The following ATRNL1 variants were observed in gnomAD, a reference collection of about 807,000 sequenced individuals.
ATRNL1 encodes attractin-like protein 1.
A neutral mutation model predicts 182.7 loss-of-function variants in ATRNL1; 95 were observed. The observed-to-expected ratio is 0.52, with a 90% CI of 0.44 to 0.62. The LOEUF (loss-of-function observed/expected upper bound fraction) is 0.62. Ranked by LOEUF, ATRNL1 falls within the 20% of genes least tolerant of loss-of-function variation. The pLI, the probability that ATRNL1 is intolerant of heterozygous loss-of-function variation, is 0.00. For missense variants in ATRNL1, 1,471 were observed against 1,679.5 expected, an observed-to-expected ratio of 0.88 and a Z score of 2.17; for synonymous variants, 576 against 568.3, an observed-to-expected ratio of 1.01 and a Z score of -0.19.
chr10:115,255,175 G>C (rs1270807787), intron 10 of ATRNL1, among the ~76,000 whole-genome samples: 1 of 152,176 alleles, frequency 6.6e-6, no homozygotes, highest in Non-Finnish European at 1.5e-5. Flanking sequence ...TGTGAAGAAA[G>C]TCATTGGTAG....
At chr10:115,674,654 C>A (rs1945805040) in intron 26 of ATRNL1, among the ~76,000 whole-genome samples, 1 of 152,030 alleles carries the variant, frequency 6.6e-6, no homozygotes, top group Admixed American at 6.6e-5. Context: ...TATAGACTTT[C>A]TTCAAAAGAG....
At chr10:115,219,186 C>T (rs148775384) in intron 9 of ATRNL1, among the ~76,000 whole-genome samples, 1,942 of 148,936 alleles carry the variant, frequency 0.013, 37 homozygotes, top group African/African-American at 0.046. Context: ...GAGCTGAGAT[C>T]GCGCCACTGC....
In ATRNL1 at chr10:115,250,132, C is replaced by A. The variant is rs143088309; in HGVS notation, c.1687+8407C>A. Among the ~76,000 whole-genome samples the A allele has an allele frequency of 4.4e-3, 667 of 152,282 alleles. 1 individual carries two copies. The highest frequency in any genetic ancestry group is 0.028 in the South Asian group (134 of 4,830). ...CATAGGGATTTGAGCTACATACTTA[C>A]ACAGATTGCTTGTGCCCTGTGTTTC... On this transcript the variant is annotated intron_variant, in intron 10 of 28. Transcript: ENST00000355044.
intron 2 of ATRNL1, 148 bp from the exon 3 acceptor site, chr10:115,121,551 A>T: frequency 2.7e-6 from 1 of 375,354 alleles, no homozygotes; most frequent in Middle Eastern, 6.9e-4. Context: ...ATTTATAGCA[A>T]AATTATCTAT....
chr10:115,711,165 C>G (rs1947053222), intron 26 of ATRNL1, among the ~76,000 whole-genome samples: 1 of 152,020 alleles, frequency 6.6e-6, no homozygotes, highest in Admixed American at 6.6e-5. Flanking sequence ...TGATAAAAGT[C>G]ATGCTGCAGG....
At chr10:115,216,963 C>T (rs1849258239) in intron 9 of ATRNL1, among the ~76,000 whole-genome samples, 1 of 151,906 alleles carries the variant, frequency 6.6e-6, no homozygotes, top group Non-Finnish European at 1.5e-5. Context: ...TCATAAATAG[C>T]ATCTTCTGTA....
At chr10:115,892,250 G>C (rs1258167228) in intron 28 of ATRNL1, among the ~76,000 whole-genome samples, 3 of 152,128 alleles carry the variant, frequency 2.0e-5, no homozygotes, top group Non-Finnish European at 4.4e-5. Context: ...CTGCCAAACA[G>C]TGCAAACACA....
chr10:115,665,889 G>A (rs2133916068), intron 26 of ATRNL1, among the ~76,000 whole-genome samples: 1 of 152,158 alleles, frequency 6.6e-6, no homozygotes, highest in South Asian at 2.1e-4. Flanking sequence ...GTTCCTCACT[G>A]GTCTATCAGA....
chr10:115,696,059 C>T (rs560502104), intron 26 of ATRNL1, among the ~76,000 whole-genome samples: 133 of 152,138 alleles, frequency 8.7e-4, no homozygotes, highest in Middle Eastern at 3.4e-3. Context: ...CTACCACACC[C>T]GGCTAATTTT....
chr10:115,589,231 T>C (rs1855760314), intron 26 of ATRNL1, among the ~76,000 whole-genome samples: 1 of 152,226 alleles, frequency 6.6e-6, no homozygotes, highest in South Asian at 2.1e-4. Flanking sequence ...CATTAACTTC[T>C]GCCAGTAATT....
At chr10:115,155,573 T>A (rs1846473108) in intron 5 of ATRNL1, among the ~76,000 whole-genome samples, 1 of 152,228 alleles carries the variant, frequency 6.6e-6, no homozygotes, top group African/African-American at 2.4e-5. Context: ...TTTGACTGCA[T>A]AGCTCATGCT....
intron 8 of ATRNL1, among the ~76,000 whole-genome samples, chr10:115,192,059 G>A (rs191651953): frequency 5.3e-5 from 8 of 152,120 alleles, no homozygotes; most frequent in Non-Finnish European, 1.2e-4. Context: ...TCTTCACTGT[G>A]TTGATTGTTT....
intron 19 of ATRNL1, among the ~76,000 whole-genome samples, chr10:115,379,925 C>T (rs1292294256): frequency 1.3e-5 from 2 of 152,216 alleles, no homozygotes; most frequent in African/African-American, 4.8e-5. Flanking sequence ...CTCCCGGGTT[C>T]ACACCCTTCT....
intron 19 of ATRNL1, among the ~76,000 whole-genome samples, chr10:115,389,619 C>T (rs1459531735): frequency 2.7e-5 from 3 of 113,186 alleles, no homozygotes; most frequent in South Asian, 5.8e-4. Context: ...ACCTAGGTTG[C>T]ATCTATATTG....
At chr10:115,597,769 A>G (rs891521723) in intron 26 of ATRNL1, 3 of 404,146 alleles carry the variant, frequency 7.4e-6, no homozygotes, top group Non-Finnish European at 1.5e-5. Flanking sequence ...ACTGGACCTC[A>G]GGCGATCTGC....
intron 24 of ATRNL1, among the ~76,000 whole-genome samples, chr10:115,496,389 G>A (rs568978025): frequency 1.3e-5 from 2 of 152,194 alleles, no homozygotes; most frequent in African/African-American, 4.8e-5. Context: ...AATGAATTCC[G>A]TTATTTGCTT....
intron 26 of ATRNL1, among the ~76,000 whole-genome samples, chr10:115,665,005 C>G (rs1593033542): frequency 1.3e-5 from 2 of 152,064 alleles, no homozygotes; most frequent in East Asian, 3.9e-4. Context: ...AACACAGGAA[C>G]ATTATCCCAG....
At chr10:115,565,989 A>G (rs1854053673) in intron 26 of ATRNL1, among the ~76,000 whole-genome samples, 1 of 152,178 alleles carries the variant, frequency 6.6e-6, no homozygotes, top group Non-Finnish European at 1.5e-5. Context: ...TGAAGTAGTG[A>G]CATTGTGAAC....
chr10:115,295,538 G>C (rs1853137734), intron 15 of ATRNL1, among the ~76,000 whole-genome samples: 1 of 152,184 alleles, frequency 6.6e-6, no homozygotes, highest in Non-Finnish European at 1.5e-5. Flanking sequence ...GGCAGGCCAA[G>C]GGCCTGCCTG....
Sources: gnomAD v4.1 joint callset for allele counts (sites outside exome capture counted in the v4.1 genomes callset) on GRCh38, gnomAD v4.1.1 for gene constraint, MANE v1.5 for transcripts, NCBI Gene and HGNC (gene_info 2026-07-23, HGNC 2026-07-21) for gene names.